ZMYND8: variants seen among roughly 807,000 people sequenced by gnomAD.
ZMYND8 encodes the protein zinc finger MYND-type containing 8, also known as MYND-type zinc finger-containing chromatin reader ZMYND8.
In ZMYND8, 37 loss-of-function variants were observed where a neutral mutation model predicts 140.8. The observed-to-expected ratio is 0.26, with a 90% CI of 0.20 to 0.35. The LOEUF is 0.35. ZMYND8 is among the 10% of genes least tolerant of loss of function. The pLI, the probability that ZMYND8 is intolerant of heterozygous loss-of-function variation, is 1.00. For synonymous variants in ZMYND8, 592 were observed against 597.1 expected, an observed-to-expected ratio of 0.99 and a Z score of 0.12; for missense variants, 1,068 against 1,570.0, an observed-to-expected ratio of 0.68 and a Z score of 5.40.
intron 14 of ZMYND8, among the ~76,000 whole-genome samples, chr20:47,241,190 G>A (rs2039922722): frequency 6.6e-6 from 1 of 151,316 alleles, no homozygotes; most frequent in South Asian, 2.1e-4. Context: ...AGCTACTTGG[G>A]AGGCTGAGGC....
chr20:47,256,976 A>C (rs2074780410), intron 12 of ZMYND8, among the ~76,000 whole-genome samples: 1 of 152,228 alleles, frequency 6.6e-6, no homozygotes, highest in African/African-American at 2.4e-5. Flanking sequence ...AAATAAGAGG[A>C]GATGGGATCA....
In ZMYND8 at chr20:47,293,482, G is replaced by A. The variant is rs535140839; in HGVS notation, c.567+1184C>T. 5.9e-5 allele frequency among the ~76,000 whole-genome samples: 9 copies of A among 152,152 alleles called. No individual in the cohort carries two copies. In the South Asian group the frequency reaches 1.9e-3, roughly 32 times the overall value. On this transcript the variant is annotated intron_variant, in intron 5 of 22. Transcript: ENST00000471951. ...CCCCACATGCAGATTTTCCTCAAGG[G>A]GCAAAGGCTGTATATCAAATCTCAT...
intron 1 of ZMYND8, chr20:47,354,152 T>G (rs2083022585): frequency 6.6e-6 from 1 of 152,042 alleles, no homozygotes; most frequent in Non-Finnish European, 1.5e-5. Context: ...TTGGTAGGGG[T>G]CACAGTACCA....
chr20:47,323,685 G>C (rs1220096581), intron 2 of ZMYND8, among the ~76,000 whole-genome samples: 1 of 152,104 alleles, frequency 6.6e-6, no homozygotes, highest in African/African-American at 2.4e-5. Flanking sequence ...GAACTTCCTT[G>C]AAAATCAAAG....
At chr20:47,293,974 G>A (rs2077470860) in intron 5 of ZMYND8, among the ~76,000 whole-genome samples, 1 of 152,092 alleles carries the variant, frequency 6.6e-6, no homozygotes, top group African/African-American at 2.4e-5. Context: ...TGTAAAACGT[G>A]CCTTGCTTCC....
At chr20:47,339,237 G>C (rs1263097733) in intron 2 of ZMYND8, among the ~76,000 whole-genome samples, 1 of 151,988 alleles carries the variant, frequency 6.6e-6, no homozygotes, top group East Asian at 1.9e-4. Flanking sequence ...CTCCCAAAGT[G>C]CTGGGATTAC....
chr20:47,268,379 C>T lies in ZMYND8; in HGVS notation c.1481-5951G>A, dbSNP rs1226140097. On this transcript the variant is annotated intron_variant, in intron 11 of 22. Coordinates refer to ENST00000471951, the MANE Select transcript of ZMYND8 (RefSeq NM_001281775.3). ...CACAATCTCGGCTCACTGCAGGCTC[C>T]GCCTCCCGGGTTCACGCCATTCTCC... Among the ~76,000 whole-genome samples the T allele has an allele frequency of 3.3e-5, 5 of 150,708 alleles. No homozygotes were observed. In the South Asian group the frequency reaches 6.4e-4, roughly 19 times the overall value.
chr20:47,291,805 T>C lies in ZMYND8; in HGVS notation c.651A>G (p.Thr217=). ...EYIFHPMDLC[T]LEKNAKKKMY... The stretch of plus-strand genomic sequence containing the variant: ...TTTGACGGAGGCCAACCTTTTCCAA[T>C]GTACAAAGGTCCATTGGATGGAAGA... Residue 217 remains threonine, a synonymous_variant, in exon 6 of 23, where the codon ACA becomes ACG. Transcript: ENST00000471951. The C allele has an allele frequency of 1.2e-6, 2 of 1,609,580 alleles. No homozygotes were observed. The highest frequency in any genetic ancestry group is 8.5e-7 in the Non-Finnish European group (1 of 1,177,922).
intron 2 of ZMYND8, among the ~76,000 whole-genome samples, chr20:47,345,403 A>AGG (rs1484382049): frequency 6.6e-6 from 1 of 152,088 alleles, no homozygotes; most frequent in African/African-American, 2.4e-5. Context: ...AAAGGTAAAC[A>AGG]GGGCCGGCCC....
chr20:47,217,949 G>T (rs1239400983), intron 21 of ZMYND8, among the ~76,000 whole-genome samples: 1 of 151,750 alleles, frequency 6.6e-6, no homozygotes, highest in African/African-American at 2.4e-5. Flanking sequence ...TGTGCCTCAG[G>T]TCAGGAGTCA....
Position 47,349,841 on chromosome 20 carries a change from C to G in ZMYND8, c.15-1915G>C. 2.0e-6 allele frequency: 3 copies of G among 1,516,608 alleles called. No homozygotes were observed. The Admixed American group carries it at 6.0e-5, about 30-fold the overall frequency. 93.9% of individuals were successfully genotyped at this position (1,516,608 alleles called of 1,614,324 possible). A position where few individuals can be genotyped will look rare whatever the true frequency, so the allele number is the denominator to read the frequency against. On this transcript the variant is annotated intron_variant, in intron 1 of 22. Coordinates refer to ENST00000471951, the MANE Select transcript of ZMYND8 (RefSeq NM_001281775.3). ...TGGTGAGGGAAACAATTATGCAGAA[C>G]TGAGCCAAAAAAAACCCACTTGAAG...
At chr20:47,265,322 G>A (rs995614523) in intron 11 of ZMYND8, among the ~76,000 whole-genome samples, 2 of 152,080 alleles carry the variant, frequency 1.3e-5, no homozygotes, top group Non-Finnish European at 1.5e-5. Context: ...CATTGACAAG[G>A]ACGTCCAACC....
chr20:47,293,582 C>T (rs2077441336), intron 5 of ZMYND8, among the ~76,000 whole-genome samples: 1 of 152,214 alleles, frequency 6.6e-6, no homozygotes, highest in Non-Finnish European at 1.5e-5. Flanking sequence ...TTGAAGGTTC[C>T]ATCATCAGAT....
intron 18 of ZMYND8, among the ~76,000 whole-genome samples, chr20:47,225,598 G>GGAGGGGAATGAAGGGGAAGGA (rs2037597983): frequency 6.9e-5 from 3 of 43,426 alleles, no homozygotes; most frequent in East Asian, 1.2e-3. Flanking sequence ...GAAGGGGAAG[G>GGAGGGGAATGAAGGGGAAGGA]AGGGGATGGG....
intron 21 of ZMYND8, among the ~76,000 whole-genome samples, chr20:47,215,233 C>T (rs1600855945): frequency 6.6e-6 from 1 of 152,206 alleles, no homozygotes; most frequent in South Asian, 2.1e-4. Context: ...ATTAGCTGGG[C>T]GTGGTGGTGT....
intron 12 of ZMYND8, among the ~76,000 whole-genome samples, chr20:47,249,649 A>G (rs1268084127): frequency 2.8e-5 from 4 of 141,976 alleles, no homozygotes; most frequent in Non-Finnish European, 4.8e-5. Context: ...TGGCAGGTTT[A>G]AACAGTCCAC....
At chr20:47,352,108 G>A (rs535606198) in intron 1 of ZMYND8, 1 of 698,456 alleles carries the variant, frequency 1.4e-6, no homozygotes, top group Admixed American at 6.3e-5. Flanking sequence ...ACAAACTGCA[G>A]ACGGACAGGT....
chr20:47,276,695 C>A lies in ZMYND8; in HGVS notation c.1099G>T (p.Glu367Ter). ...CTGCGGATGTTCTCCACGTAAACCT[C>A]CATCTCTTGCATGGCACTGTTGAAG... Reference protein sequence around the residue: ...SIFNSAMQEMEVYVENIRRKF... With the variant: ...SIFNSAMQEM Residue 367 changes from glutamate to a stop codon, truncating the protein, a stop_gained, in exon 11 of 23, where the codon GAG (glutamate) becomes TAG (stop). Transcript: ENST00000471951. LOFTEE classifies it high-confidence loss of function. The A allele has an allele frequency of 1.2e-6, 2 of 1,613,972 alleles. No individual in the cohort carries two copies. The highest frequency in any genetic ancestry group is 1.7e-6 in the Non-Finnish European group (2 of 1,180,010).
At chr20:47,253,609 C>A (rs1223118495) in intron 12 of ZMYND8, among the ~76,000 whole-genome samples, 2 of 151,536 alleles carry the variant, frequency 1.3e-5, no homozygotes, top group Admixed American at 6.6e-5. Flanking sequence ...AGGCTGAGAA[C>A]CCCTGTATCA....
Sources: allele counts gnomAD v4.1 joint callset (sites outside exome capture counted in the v4.1 genomes callset), GRCh38; gene constraint gnomAD v4.1.1; transcripts MANE v1.5; gene names NCBI Gene and HGNC (gene_info 2026-07-23, HGNC 2026-07-21).